The following COL8A1 variants were observed in gnomAD, a reference collection of about 807,000 sequenced individuals.
COL8A1 encodes collagen type VIII alpha 1 chain.
A neutral mutation model predicts 42.7 loss-of-function variants in COL8A1; 21 were observed. The ratio of observed to expected loss-of-function variants is 0.49; its 90% CI spans 0.35 to 0.71. The LOEUF (loss-of-function observed/expected upper bound fraction) is 0.71, where lower values mean the gene tolerates loss of function less well. COL8A1 is among the 30% of genes least tolerant of loss of function. The probability of loss-of-function intolerance (pLI) is 0.01; values close to 1 mark genes in which losing one functional copy is unlikely to be tolerated. For missense variants in COL8A1, 788 were observed against 962.4 expected, an observed-to-expected ratio of 0.82 and a Z score of 2.40; for synonymous variants, 367 against 369.1, an observed-to-expected ratio of 0.99 and a Z score of 0.06.
intron 2 of COL8A1, among the ~76,000 whole-genome samples, chr3:99,751,457 C>G (rs1368857832): frequency 6.6e-6 from 1 of 152,138 alleles, no homozygotes; most frequent in Non-Finnish European, 1.5e-5. Context: ...ACTTGGGAGG[C>G]TGACGCAGGG....
At chr3:99,703,339 C>T (rs532758702) in intron 1 of COL8A1, 1 of 152,278 alleles carries the variant, frequency 6.6e-6, no homozygotes, top group South Asian at 2.1e-4. Context: ...GTCACACAGA[C>T]GGTGAATTGC....
At chr3:99,676,465 T>C (rs1487257323) in intron 1 of COL8A1, among the ~76,000 whole-genome samples, 1 of 152,088 alleles carries the variant, frequency 6.6e-6, no homozygotes, top group Non-Finnish European at 1.5e-5. Flanking sequence ...CAATGTAATT[T>C]ACCACATTAA....
At chr3:99,714,062 A>T (rs1939921844) in intron 1 of COL8A1, among the ~76,000 whole-genome samples, 1 of 152,098 alleles carries the variant, frequency 6.6e-6, no homozygotes, top group Non-Finnish European at 1.5e-5. Context: ...TTAACCATAG[A>T]TGCACTTGGA....
At chr3:99,768,012 A>G (rs1316763448) in intron 2 of COL8A1, among the ~76,000 whole-genome samples, 2 of 152,218 alleles carry the variant, frequency 1.3e-5, no homozygotes, top group Admixed American at 1.3e-4. Flanking sequence ...CATAAAAGTA[A>G]CATTTGATTG....
intron 2 of COL8A1, among the ~76,000 whole-genome samples, chr3:99,769,928 T>C (rs963510020): frequency 1.3e-5 from 2 of 152,044 alleles, no homozygotes; most frequent in Non-Finnish European, 2.9e-5. Context: ...AAAAAAAAAT[T>C]ACAAAAGACA....
chr3:99,793,733 G>T (rs947654839), intron 3 of COL8A1, among the ~76,000 whole-genome samples: 1 of 152,024 alleles, frequency 6.6e-6, no homozygotes, highest in Non-Finnish European at 1.5e-5. Flanking sequence ...TTGTCAGCTT[G>T]ATTTTTCTTT....
chr3:99,682,528 G>A (rs1455946188), intron 1 of COL8A1, among the ~76,000 whole-genome samples: 1 of 151,598 alleles, frequency 6.6e-6, no homozygotes, highest in African/African-American at 2.4e-5. Flanking sequence ...TCATGATTCT[G>A]TATTATAAAT....
At chr3:99,737,042 C>G (rs1940743486) in intron 1 of COL8A1, among the ~76,000 whole-genome samples, 2 of 152,142 alleles carry the variant, frequency 1.3e-5, no homozygotes, top group Non-Finnish European at 2.9e-5. Context: ...TTATCAGAGA[C>G]TAGGATTGCA....
chr3:99,678,504 G>A (rs1413696342), intron 1 of COL8A1: 2 of 152,070 alleles, frequency 1.3e-5, no homozygotes, highest in African/African-American at 2.4e-5. Flanking sequence ...GAGAAGCTTT[G>A]AGACCAAGAA....
chr3:99,696,403 G>C (rs1425826612), intron 1 of COL8A1, among the ~76,000 whole-genome samples: 1 of 152,122 alleles, frequency 6.6e-6, no homozygotes, highest in African/African-American at 2.4e-5. Context: ...GATCTGCTAG[G>C]GGCCCCTACC....
chr3:99,794,593 C>G lies in COL8A1; in HGVS notation c.692C>G (p.Pro231Arg). 1 of 1,613,574 alleles carries G rather than the reference C, an allele frequency of 6.2e-7. No individual in the cohort carries two copies. The highest frequency in any genetic ancestry group is 8.5e-7 in the Non-Finnish European group (1 of 1,179,752). The change falls in exon 4 of 4, where the codon CCA becomes CGA. Residue 231 changes from proline to arginine, a missense_variant. Physicochemically the swap from Pro to Arg is moderately radical, Grantham distance 103 (BLOSUM62 -2). Around this residue, in one of 4 missense-constraint regions of COL8A1, gnomAD observed 421 missense variants for 553.1 expected, o/e 0.76. Transcript: ENST00000652472. This position sits in a 1 kb window ranked among gnomAD's most constrained non-coding sequence, Gnocchi z 4.3. ...PKGDRGPKGL[P>R]GPQGLRGPKG... The stretch of plus-strand genomic sequence containing the variant: ...GGTGATCGAGGACCCAAAGGACTAC[C>G]AGGACCTCAAGGCCTTCGGGGTCCT...
intron 1 of COL8A1, among the ~76,000 whole-genome samples, chr3:99,734,575 A>T (rs1261490724): frequency 2.0e-5 from 3 of 151,970 alleles, no homozygotes; most frequent in Admixed American, 1.3e-4. Context: ...GTTTGAAGTC[A>T]GGTAGTGTGA....
intron 1 of COL8A1, among the ~76,000 whole-genome samples, chr3:99,647,606 G>T (rs537495331): frequency 3.1e-4 from 47 of 151,952 alleles, no homozygotes; most frequent in Non-Finnish European, 5.9e-4. Context: ...AGAGAGAAGC[G>T]GCCAACAATG....
chr3:99,741,072 G>A (rs1940886399), intron 1 of COL8A1, among the ~76,000 whole-genome samples: 1 of 152,024 alleles, frequency 6.6e-6, no homozygotes, highest in African/African-American at 2.4e-5. Context: ...GTAAGTCTGT[G>A]CCATTTATAC....
chr3:99,651,496 G>A lies in COL8A1; in HGVS notation c.-129+12832G>A, dbSNP rs113176613. Among the ~76,000 whole-genome samples the A allele has an allele frequency of 3.6e-3, 554 of 152,336 alleles. 6 individuals carry two copies. The highest frequency in any genetic ancestry group is 0.013 in the African/African-American group (532 of 41,588). ...CTAAGCTCTCCGCCAGCAGGTCAGC[G>A]GAGGTAGCATGTCTTGGAATTTGAC... is the stretch of plus-strand genomic sequence containing the variant. On this transcript the variant is annotated intron_variant, in intron 1 of 3. Coordinates refer to ENST00000652472, the MANE Select transcript of COL8A1 (RefSeq NM_020351.4).
intron 1 of COL8A1, among the ~76,000 whole-genome samples, chr3:99,716,250 G>A (rs964942098): frequency 2.6e-5 from 4 of 151,942 alleles, no homozygotes; most frequent in African/African-American, 4.8e-5. Context: ...TGAACATAAC[G>A]CAAAAGATTC....
At chr3:99,747,456 C>T (rs1941049158) in intron 2 of COL8A1, among the ~76,000 whole-genome samples, 1 of 152,186 alleles carries the variant, frequency 6.6e-6, no homozygotes, top group Non-Finnish European at 1.5e-5. Context: ...TAATGAGCTA[C>T]ATCTGTAACC....
At chr3:99,772,499 T>C (rs937737970) in intron 2 of COL8A1, among the ~76,000 whole-genome samples, 6 of 152,122 alleles carry the variant, frequency 3.9e-5, no homozygotes, top group Non-Finnish European at 7.4e-5. Flanking sequence ...TTGCAATAAA[T>C]GCAACATTGC....
At chr3:99,729,389 G>T (rs1036857043) in intron 1 of COL8A1, among the ~76,000 whole-genome samples, 2 of 151,896 alleles carry the variant, frequency 1.3e-5, no homozygotes, top group East Asian at 3.9e-4. Context: ...TCCTTTACCA[G>T]ATTATTTAGG....
Sources: gnomAD v4.1 joint callset for allele counts (sites outside exome capture counted in the v4.1 genomes callset) on GRCh38, gnomAD v4.1.1 for gene constraint, gnomAD v4.1.1 regional missense constraint, Gnocchi (gnomAD v3.1) non-coding constraint, MANE v1.5 for transcripts, NCBI Gene and HGNC (gene_info 2026-07-23, HGNC 2026-07-21) for gene names.